Variants in STPG4 observed in about 807,000 individuals in gnomAD.
The protein encoded by STPG4 is sperm-tail PG-rich repeat containing 4, also known as protein STPG4.
STPG4 carries 41 observed loss-of-function variants against 31.5 expected under a neutral mutation model. The observed-to-expected ratio is 1.30, with a 90% CI of 1.01 to 1.69. The LOEUF (loss-of-function observed/expected upper bound fraction) is 1.69, where lower values mean the gene tolerates loss of function less well. STPG4 is among the 40% of genes most tolerant of loss of function. The pLI, the probability that STPG4 is intolerant of heterozygous loss-of-function variation, is 0.00. For missense variants in STPG4, 375 were observed against 293.4 expected (o/e 1.28, Z -2.03); for synonymous variants, 141 against 103.0 (o/e 1.37, Z -2.24).
At chr2:47,135,984 T>C (rs1686587502) in intron 3 of STPG4, among the ~76,000 whole-genome samples, 1 of 152,216 alleles carries the variant, frequency 6.6e-6, no homozygotes, top group Non-Finnish European at 1.5e-5. Flanking sequence ...TGCCTTTCCA[T>C]ATATACTTTA....
intron 5 of STPG4, among the ~76,000 whole-genome samples, chr2:47,125,397 G>T (rs1350421505): frequency 6.6e-6 from 1 of 152,108 alleles, no homozygotes; most frequent in East Asian, 1.9e-4. Flanking sequence ...CTTCAGCCTG[G>T]GTGAAAAAGC....
intron 1 of STPG4, among the ~76,000 whole-genome samples, chr2:47,153,672 C>G (rs182442603): frequency 5.3e-5 from 8 of 152,250 alleles, no homozygotes; most frequent in African/African-American, 1.9e-4. Flanking sequence ...ACTCATGAGG[C>G]TGAGGCACGA....
chr2:47,151,928 T>G (rs34160705), intron 2 of STPG4, among the ~76,000 whole-genome samples: 71,932 of 150,988 alleles, frequency 0.48, 19,835 homozygotes, highest in East Asian at 0.79. Context: ...TGTTTTTTTT[T>G]TTTTTTTTGT....
At chr2:47,092,546 G>T (rs1384348668) in intron 5 of STPG4, among the ~76,000 whole-genome samples, 1 of 122,860 alleles carries the variant, frequency 8.1e-6, no homozygotes. Flanking sequence ...GGAGGGGAGG[G>T]AGAAAGGGAG....
chr2:47,110,208 G>C (rs1315557326), intron 5 of STPG4, among the ~76,000 whole-genome samples: 2 of 152,238 alleles, frequency 1.3e-5, no homozygotes, highest in African/African-American at 2.4e-5. Context: ...GTAGCAGAAA[G>C]TGGGACTATT....
intron 3 of STPG4, among the ~76,000 whole-genome samples, chr2:47,148,912 AAGC>A (rs1208402718): frequency 2.0e-5 from 3 of 152,244 alleles, no homozygotes; most frequent in African/African-American, 7.2e-5. Flanking sequence ...TACAAATAAA[AAGC>A]AGCCACTGAA....
chr2:47,109,838 G>A (rs2103752687), intron 5 of STPG4, among the ~76,000 whole-genome samples: 1 of 152,260 alleles, frequency 6.6e-6, no homozygotes, highest in East Asian at 1.9e-4. Flanking sequence ...CAGTTGGAAT[G>A]ATTCCGCAGC....
chr2:47,146,051 G>A (rs149734883), intron 3 of STPG4, among the ~76,000 whole-genome samples: 2 of 152,304 alleles, frequency 1.3e-5, no homozygotes, highest in African/African-American at 2.4e-5. Flanking sequence ...TGAGGTAGGA[G>A]TGTGAGTGCT....
intron 5 of STPG4, among the ~76,000 whole-genome samples, chr2:47,100,338 T>G (rs1399838632): frequency 6.7e-6 from 1 of 150,354 alleles, no homozygotes; most frequent in Non-Finnish European, 1.5e-5. Context: ...AATGCACCAA[T>G]CCACACTCTG....
At chr2:47,116,712 G>C (rs763553940) in intron 5 of STPG4, among the ~76,000 whole-genome samples, 1 of 152,180 alleles carries the variant, frequency 6.6e-6, no homozygotes, top group Non-Finnish European at 1.5e-5. Flanking sequence ...GAGAGAATCT[G>C]ATAGGTCACT....
chr2:47,151,863 C>G (rs550721211), intron 2 of STPG4, among the ~76,000 whole-genome samples: 8 of 152,036 alleles, frequency 5.3e-5, no homozygotes, highest in African/African-American at 1.9e-4. Flanking sequence ...GCCTCAGCCT[C>G]CCAAGTAGCT....
chr2:47,132,841 C>G (rs1295678290), intron 3 of STPG4, among the ~76,000 whole-genome samples: 2 of 152,156 alleles, frequency 1.3e-5, no homozygotes. Context: ...GAAAAAACCT[C>G]TTAAAGCAGT....
chr2:47,109,415 G>T (rs1010358173), intron 5 of STPG4, among the ~76,000 whole-genome samples: 1 of 152,036 alleles, frequency 6.6e-6, no homozygotes, highest in African/African-American at 2.4e-5. Context: ...AAATTAGCTG[G>T]GCATGGTGGC....
chr2:47,154,614 C>G (rs1195927252), intron 1 of STPG4, among the ~76,000 whole-genome samples: 1 of 152,194 alleles, frequency 6.6e-6, no homozygotes, highest in Non-Finnish European at 1.5e-5. Context: ...GCCTGTAATC[C>G]CAGCTACGCG....
chr2:47,116,531 A>C (rs1287779056), intron 5 of STPG4, among the ~76,000 whole-genome samples: 1 of 152,228 alleles, frequency 6.6e-6, no homozygotes, highest in African/African-American at 2.4e-5. Flanking sequence ...AATTGTCTTA[A>C]GGCTACTGTC....
In STPG4 at chr2:47,138,209, C is replaced by A. The variant is rs764082592; in HGVS notation, c.400-7949G>T. On this transcript the variant is annotated intron_variant, in intron 3 of 6. Coordinates refer to ENST00000445927, the MANE Select transcript of STPG4 (RefSeq NM_001163561.2). ...CTTAGTTCAAAGTATTTTAACATTT[C>A]TCTTCAGACATTTTTCTAACAACAC... 1.5e-4 allele frequency among the ~76,000 whole-genome samples: 23 copies of A among 152,116 alleles called. 1 individual carries two copies. Among genetic ancestry groups the A allele is most frequent in the Non-Finnish European group, 2.8e-4 (19 of 68,016 alleles).
Position 47,127,252 on chromosome 2 carries a change from C to CTTTTTTTTTTTTTTTTTT in STPG4, c.519+2671_519+2688dup, listed in dbSNP as rs57475505. ...CAAATAGCTTGTCTTCAAGCTAATT[C>CTTTTTTTTTTTTTTTTTT]TTTTTTTTTTTTTTTTTTTTTTTTT... On this transcript the variant is annotated intron_variant, in intron 5 of 6. Coordinates refer to ENST00000445927, the MANE Select transcript of STPG4 (RefSeq NM_001163561.2). Among the ~76,000 whole-genome samples, 26 of 57,476 alleles carry CTTTTTTTTTTTTTTTTTT rather than the reference C, an allele frequency of 4.5e-4. 2 individuals carry two copies. The highest frequency in any genetic ancestry group is 6.2e-4 in the African/African-American group (6 of 9,674). The allele number at this position is 57,476 out of a possible 152,430, so 37.7% of individuals were successfully genotyped here. A position where few individuals can be genotyped will look rare whatever the true frequency, so the allele number is the denominator to read the frequency against.
At chr2:47,095,147 T>A (rs1685644463) in intron 5 of STPG4, among the ~76,000 whole-genome samples, 1 of 152,204 alleles carries the variant, frequency 6.6e-6, no homozygotes, top group Non-Finnish European at 1.5e-5. Context: ...GCTTCCATGC[T>A]GAATACTGTC....
At chr2:47,143,942 T>C (rs1050544390) in intron 3 of STPG4, among the ~76,000 whole-genome samples, 1 of 152,210 alleles carries the variant, frequency 6.6e-6, no homozygotes, top group Non-Finnish European at 1.5e-5. Context: ...ACTCTACATT[T>C]TTTTGCATTG....
Sources: allele counts gnomAD v4.1 joint callset (sites outside exome capture counted in the v4.1 genomes callset), GRCh38; gene constraint gnomAD v4.1.1; transcripts MANE v1.5; gene names NCBI Gene and HGNC (gene_info 2026-07-23, HGNC 2026-07-21).